The following WWOX variants were observed in gnomAD, a reference collection of about 807,000 sequenced individuals.
WWOX encodes WW domain-containing oxidoreductase.
A neutral mutation model predicts 46.2 loss-of-function variants in WWOX; 69 were observed. The observed-to-expected ratio is 1.49, with a 90% CI of 1.23 to 1.82. The LOEUF (loss-of-function observed/expected upper bound fraction) is 1.82, where lower values mean the gene tolerates loss of function less well. WWOX is among the 40% of genes most tolerant of loss of function. The pLI is 0.00. For synonymous variants in WWOX, 359 were observed against 202.6 expected (o/e 1.77, Z -6.56); for missense variants, 919 against 542.6 (o/e 1.69, Z -6.89).
At chr16:79,014,929 G>T (rs536655275) in intron 8 of WWOX, among the ~76,000 whole-genome samples, 2 of 152,264 alleles carry the variant, frequency 1.3e-5, no homozygotes, top group African/African-American at 4.8e-5. Context: ...ACCCAGGAAG[G>T]ACTAGGAATG....
chr16:78,558,594 A>C (rs1336018436), intron 8 of WWOX, among the ~76,000 whole-genome samples: 1 of 152,154 alleles, frequency 6.6e-6, no homozygotes, highest in Non-Finnish European at 1.5e-5. Flanking sequence ...CCTCCTAGGC[A>C]TTGGAGATTT....
At chr16:78,863,306 A>T (rs114436760) in intron 8 of WWOX, among the ~76,000 whole-genome samples, 441 of 152,308 alleles carry the variant, frequency 2.9e-3, no homozygotes, top group African/African-American at 0.01. Flanking sequence ...CTCGCAGTAC[A>T]TTCTCTACTT....
chr16:79,051,242 T>G (rs2048161778), intron 8 of WWOX, among the ~76,000 whole-genome samples: 1 of 152,184 alleles, frequency 6.6e-6, no homozygotes, highest in South Asian at 2.1e-4. Context: ...AGGGGAAACT[T>G]TTTCTTGGGA....
intron 8 of WWOX, among the ~76,000 whole-genome samples, chr16:79,140,402 A>C (rs190329446): frequency 1.3e-5 from 2 of 152,194 alleles, no homozygotes; most frequent in East Asian, 3.9e-4. Context: ...TCTTATAATC[A>C]CTTGCCCTTT....
chr16:78,836,151 G>T (rs898573772), intron 8 of WWOX, among the ~76,000 whole-genome samples: 2 of 151,938 alleles, frequency 1.3e-5, no homozygotes, highest in East Asian at 1.9e-4. Context: ...TCTTTGTAAG[G>T]GTATAACAGC....
intron 8 of WWOX, among the ~76,000 whole-genome samples, chr16:78,714,202 G>A (rs1294890492): frequency 6.6e-6 from 1 of 152,116 alleles, no homozygotes; most frequent in Non-Finnish European, 1.5e-5. Flanking sequence ...TTCTCACACT[G>A]CTAGTGAAGA....
At chr16:78,756,825 A>T in intron 8 of WWOX, 1 of 623,128 alleles carries the variant, frequency 1.6e-6, no homozygotes, top group Non-Finnish European at 2.9e-6. Context: ...GACACCTAAT[A>T]CTACTGACCT....
chr16:78,392,268 C>T (rs575832973), intron 6 of WWOX, among the ~76,000 whole-genome samples: 12 of 152,172 alleles, frequency 7.9e-5, no homozygotes, highest in African/African-American at 2.9e-4. Flanking sequence ...ACCGTGATCC[C>T]TATTGTGAGC....
At chr16:78,651,631 A>G (rs140029846) in intron 8 of WWOX, among the ~76,000 whole-genome samples, 7 of 152,284 alleles carry the variant, frequency 4.6e-5, no homozygotes, top group Non-Finnish European at 1.0e-4. Context: ...GCTCACACAG[A>G]CCCAGCTCAT....
intron 7 of WWOX, among the ~76,000 whole-genome samples, chr16:78,430,737 G>A (rs570865995): frequency 1.1e-4 from 16 of 152,248 alleles, no homozygotes; most frequent in African/African-American, 3.6e-4. Flanking sequence ...CCTTGATGAC[G>A]TTTCTGGCCA....
At chr16:78,572,965 T>C (rs954421509) in intron 8 of WWOX, among the ~76,000 whole-genome samples, 7 of 152,152 alleles carry the variant, frequency 4.6e-5, no homozygotes, top group Non-Finnish European at 1.0e-4. Flanking sequence ...TCACATAATC[T>C]GAAAGAATCT....
At chr16:79,038,581 C>G (rs2047912030) in intron 8 of WWOX, among the ~76,000 whole-genome samples, 1 of 152,118 alleles carries the variant, frequency 6.6e-6, no homozygotes, top group South Asian at 2.1e-4. Context: ...CAGAGTTTCT[C>G]TCTTGTCACA....
intron 8 of WWOX, among the ~76,000 whole-genome samples, chr16:78,741,901 T>C (rs2049237103): frequency 6.6e-6 from 1 of 152,184 alleles, no homozygotes; most frequent in African/African-American, 2.4e-5. Context: ...AAAGTAAATT[T>C]TAATTTTAGA....
At chr16:78,957,424 A>G (rs1324821673) in intron 8 of WWOX, among the ~76,000 whole-genome samples, 2 of 152,182 alleles carry the variant, frequency 1.3e-5, no homozygotes, top group East Asian at 3.9e-4. Flanking sequence ...TGAATGCTTC[A>G]GGCCTGAACT....
chr16:78,909,391 A>G (rs1363785293), intron 8 of WWOX, among the ~76,000 whole-genome samples: 1 of 152,176 alleles, frequency 6.6e-6, no homozygotes, highest in Non-Finnish European at 1.5e-5. Context: ...TAAGATTGTT[A>G]TTAAACTTTA....
chr16:79,211,869 CCCTT>C lies in WWOX; in HGVS notation c.*76_*79del. On this transcript the variant is annotated 3_prime_UTR_variant, in exon 9 of 9. Coordinates refer to ENST00000566780, the MANE Select transcript of WWOX (RefSeq NM_016373.4). ...CCTCACGCAAGTGCCAGGGCTGGGC[CCCTT>C]CCAAATGTCCCTCCAACACAGATCC... The C allele has an allele frequency of 6.3e-7, 1 of 1,595,642 alleles. No homozygotes were observed. The highest frequency in any genetic ancestry group is 8.5e-7 in the Non-Finnish European group (1 of 1,172,516).
intron 8 of WWOX, among the ~76,000 whole-genome samples, chr16:79,092,193 T>G (rs1347187088): frequency 6.6e-6 from 1 of 152,144 alleles, no homozygotes; most frequent in African/African-American, 2.4e-5. Flanking sequence ...CATTTTCTTG[T>G]GTGCAGGGAG....
intron 8 of WWOX, among the ~76,000 whole-genome samples, chr16:78,695,145 A>G (rs572303830): frequency 2.6e-5 from 4 of 152,328 alleles, no homozygotes; most frequent in African/African-American, 9.6e-5. Flanking sequence ...CATAAATTTC[A>G]AATGAAATAT....
chr16:78,626,231 A>T (rs1597366700), intron 8 of WWOX, among the ~76,000 whole-genome samples: 1 of 152,070 alleles, frequency 6.6e-6, no homozygotes, highest in African/African-American at 2.4e-5. Flanking sequence ...CGCAGGTTTA[A>T]GTGATTCTCC....
Sources: allele counts gnomAD v4.1 joint callset (sites outside exome capture counted in the v4.1 genomes callset), GRCh38; gene constraint gnomAD v4.1.1; transcripts MANE v1.5; gene names NCBI Gene and HGNC (gene_info 2026-07-23, HGNC 2026-07-21).